MARCHF1: variants seen among roughly 807,000 people sequenced by gnomAD.
MARCHF1 encodes the protein E3 ubiquitin-protein ligase MARCHF1.
A neutral mutation model predicts 54.2 loss-of-function variants in MARCHF1; 40 were observed. That is an observed-to-expected ratio of 0.74 (90% CI 0.57 to 0.96). The LOEUF (loss-of-function observed/expected upper bound fraction) is 0.96. MARCHF1 is among the 40% of genes least tolerant of loss of function. MARCHF1 has a pLI of 0.00. For missense variants in MARCHF1, 586 were observed against 656.5 expected (o/e 0.89, Z 1.17); for synonymous variants, 236 against 236.3 (o/e 1.00, Z 0.01).
At chr4:163,636,005 C>T (rs1742305047) in intron 5 of MARCHF1, among the ~76,000 whole-genome samples, 1 of 152,128 alleles carries the variant, frequency 6.6e-6, no homozygotes. Context: ...ACATGATTAT[C>T]TCAATAGATG....
chr4:164,270,724 A>G (rs1733725137), intron 1 of MARCHF1, among the ~76,000 whole-genome samples: 1 of 152,208 alleles, frequency 6.6e-6, no homozygotes, highest in South Asian at 2.1e-4. Flanking sequence ...CATGCCTAAC[A>G]AACATCTCAT....
intron 1 of MARCHF1, among the ~76,000 whole-genome samples, chr4:164,362,745 C>T (rs1398454583): frequency 6.6e-6 from 1 of 152,012 alleles, no homozygotes; most frequent in East Asian, 1.9e-4. Context: ...TAGTGAGAGA[C>T]AAAAACATAA....
intron 2 of MARCHF1, among the ~76,000 whole-genome samples, chr4:164,091,181 A>G (rs889099721): frequency 2.8e-4 from 42 of 152,190 alleles, no homozygotes; most frequent in African/African-American, 1.0e-3. Flanking sequence ...TCTGTCATTG[A>G]CAGATCCTGT....
At chr4:163,582,865 A>G (rs1740275615) in intron 8 of MARCHF1, among the ~76,000 whole-genome samples, 1 of 152,190 alleles carries the variant, frequency 6.6e-6, no homozygotes, top group African/African-American at 2.4e-5. Flanking sequence ...GTCACCTCAG[A>G]ATGTGATGAC....
intron 5 of MARCHF1, among the ~76,000 whole-genome samples, chr4:163,650,806 C>T (rs540219514): frequency 1.6e-4 from 24 of 151,994 alleles, no homozygotes; most frequent in South Asian, 1.2e-3. Flanking sequence ...CTAGAATGTC[C>T]ATGAAACTGC....
intron 4 of MARCHF1, among the ~76,000 whole-genome samples, chr4:163,749,072 T>G (rs766874037): frequency 2.0e-5 from 3 of 151,960 alleles, no homozygotes; most frequent in Non-Finnish European, 4.4e-5. Context: ...TATTTAAATC[T>G]TTTTTTCCCT....
intron 1 of MARCHF1, among the ~76,000 whole-genome samples, chr4:164,191,431 G>A (rs1731120452): frequency 6.6e-6 from 1 of 152,120 alleles, no homozygotes; most frequent in East Asian, 1.9e-4. Context: ...ACAAAGAAAT[G>A]TTGCCAATAA....
At chr4:163,529,164 A>G in intron 9 of MARCHF1, 118 bp from the exon 10 acceptor site, 2 of 691,316 alleles carry the variant, frequency 2.9e-6, no homozygotes, top group Non-Finnish European at 4.8e-6. Context: ...GTATGTTAAC[A>G]GAAATAATAT....
rs1370697294 is a variant in MARCHF1, at chr4:164,143,010, A to T, written c.-322-31348T>A. On this transcript the variant is annotated intron_variant, in intron 1 of 9. Coordinates refer to ENST00000514618, the MANE Select transcript of MARCHF1 (RefSeq NM_001394959.1). ...ATGGAGCTGAAAACCAAGGCTCGAGAACTAAGTGAAGAATGCAGAAGCCTC... is the reference window on the plus strand; with the variant it reads ...ATGGAGCTGAAAACCAAGGCTCGAGTACTAAGTGAAGAATGCAGAAGCCTC... 2.0e-5 allele frequency among the ~76,000 whole-genome samples: 3 copies of T among 151,452 alleles called. No homozygotes were observed. The East Asian group carries it at 5.8e-4, about 29-fold the overall frequency.
At chr4:164,181,504 T>C (rs1006886571) in intron 1 of MARCHF1, among the ~76,000 whole-genome samples, 3 of 152,150 alleles carry the variant, frequency 2.0e-5, no homozygotes, top group African/African-American at 7.2e-5. Context: ...AGACTTCAAT[T>C]TGAAGACACA....
At chr4:163,696,647 C>T (rs2111218407) in intron 5 of MARCHF1, among the ~76,000 whole-genome samples, 1 of 152,264 alleles carries the variant, frequency 6.6e-6, no homozygotes, top group African/African-American at 2.4e-5. Flanking sequence ...CTCAAAAACC[C>T]TTACAAAGTA....
At chr4:163,872,248 G>T (rs1268925416) in intron 3 of MARCHF1, among the ~76,000 whole-genome samples, 1 of 152,208 alleles carries the variant, frequency 6.6e-6, no homozygotes, top group Non-Finnish European at 1.5e-5. Flanking sequence ...ACCTTGAAGT[G>T]AAACTAAGTA....
At chr4:164,251,108 A>G (rs1025654798) in intron 1 of MARCHF1, among the ~76,000 whole-genome samples, 2 of 152,198 alleles carry the variant, frequency 1.3e-5, no homozygotes, top group Non-Finnish European at 1.5e-5. Context: ...TGTGCTAGCC[A>G]TTATGTAAAA....
At chr4:164,241,150 G>A (rs889520748) in intron 1 of MARCHF1, among the ~76,000 whole-genome samples, 20 of 152,174 alleles carry the variant, frequency 1.3e-4, no homozygotes, top group African/African-American at 4.3e-4. Flanking sequence ...AACTCGCCCT[G>A]TGACCCCCTC....
At chr4:164,329,893 A>G (rs1334765127) in intron 1 of MARCHF1, 1 of 152,258 alleles carries the variant, frequency 6.6e-6, no homozygotes, top group Non-Finnish European at 1.5e-5. Context: ...ACCTCCAACA[A>G]TAGGGATTAC....
intron 3 of MARCHF1, among the ~76,000 whole-genome samples, chr4:163,985,790 C>T (rs1752850738): frequency 1.3e-5 from 2 of 152,090 alleles, no homozygotes; most frequent in African/African-American, 2.4e-5. Flanking sequence ...TCCTAATGCA[C>T]ATAGGCATGC....
At chr4:164,046,684 TTGAA>T (rs1754250694) in intron 2 of MARCHF1, among the ~76,000 whole-genome samples, 1 of 152,160 alleles carries the variant, frequency 6.6e-6, no homozygotes, top group Admixed American at 6.6e-5. Context: ...CCTAAAATAC[TTGAA>T]TGAACATAAA....
At chr4:164,075,796 T>C (rs1462004607) in intron 2 of MARCHF1, among the ~76,000 whole-genome samples, 1 of 152,148 alleles carries the variant, frequency 6.6e-6, no homozygotes, top group African/African-American at 2.4e-5. Flanking sequence ...CCCTTAGACC[T>C]AAAGCCCCAA....
chr4:163,783,031 TATAAAG>T (rs1459731087), intron 4 of MARCHF1, among the ~76,000 whole-genome samples: 1 of 152,148 alleles, frequency 6.6e-6, no homozygotes, highest in Non-Finnish European at 1.5e-5. Flanking sequence ...GTCACTTCAA[TATAAAG>T]ATAAAGAAAG....
Sources: gnomAD v4.1 joint callset for allele counts (sites outside exome capture counted in the v4.1 genomes callset) on GRCh38, gnomAD v4.1.1 for gene constraint, MANE v1.5 for transcripts, NCBI Gene and HGNC (gene_info 2026-07-23, HGNC 2026-07-21) for gene names.